The following BBS9 variants were observed in gnomAD, a reference collection of about 807,000 sequenced individuals.
The protein encoded by BBS9 is Bardet-Biedl syndrome 9.
BBS9 carries 89 observed loss-of-function variants against 117.7 expected under a neutral mutation model. That is an observed-to-expected ratio of 0.76 (90% CI 0.64 to 0.90). The LOEUF (loss-of-function observed/expected upper bound fraction) is 0.90, where lower values mean the gene tolerates loss of function less well. Ranked by LOEUF, BBS9 falls within the 40% of genes least tolerant of loss-of-function variation. The pLI is 0.00. For synonymous variants in BBS9, 379 were observed against 370.9 expected (o/e 1.02, Z -0.25); for missense variants, 982 against 1,042.2 (o/e 0.94, Z 0.80).
chr7:33,180,544 A>T (rs1198235954), intron 5 of BBS9, among the ~76,000 whole-genome samples: 1 of 151,992 alleles, frequency 6.6e-6, no homozygotes, highest in Non-Finnish European at 1.5e-5. Flanking sequence ...TTCAGTAGAG[A>T]TGGGGTTTCA....
intron 6 of BBS9, among the ~76,000 whole-genome samples, chr7:33,262,671 C>A (rs146568657): frequency 1.0e-3 from 152 of 152,274 alleles, no homozygotes; most frequent in African/African-American, 3.5e-3. Flanking sequence ...TTACTTCATG[C>A]GCCCCATGAC....
intron 16 of BBS9, among the ~76,000 whole-genome samples, chr7:33,363,942 T>TGCCAAAG (rs1262139763): frequency 2.0e-5 from 2 of 99,632 alleles, no homozygotes; most frequent in Admixed American, 9.0e-5. Context: ...TTATTTTTTT[T>TGCCAAAG]TTTATTTTTT....
intron 9 of BBS9, among the ~76,000 whole-genome samples, chr7:33,329,531 T>G: frequency 6.6e-6 from 1 of 152,312 alleles, no homozygotes; most frequent in Non-Finnish European, 1.5e-5. Context: ...TAAGATATGA[T>G]TTTTAATGGT....
At chr7:33,403,612 A>G (rs970151795) in intron 19 of BBS9, among the ~76,000 whole-genome samples, 3 of 151,230 alleles carry the variant, frequency 2.0e-5, no homozygotes, top group South Asian at 2.1e-4. Flanking sequence ...GATGATTTCC[A>G]ATTTCATCCA....
At chr7:33,313,106 A>T (rs565732162) in intron 9 of BBS9, among the ~76,000 whole-genome samples, 70 of 151,244 alleles carry the variant, frequency 4.6e-4, no homozygotes, top group African/African-American at 1.6e-3. Flanking sequence ...CTTTGTGGAT[A>T]ACACTTTGTT....
chr7:33,567,550 A>T (rs1313718182), intron 21 of BBS9, among the ~76,000 whole-genome samples: 3 of 152,090 alleles, frequency 2.0e-5, no homozygotes, highest in Non-Finnish European at 4.4e-5. Context: ...TTCTCTGCTT[A>T]GCCTGAGAAG....
chr7:33,604,845 T>C lies in BBS9; in HGVS notation c.2522-20T>C. The C allele has an allele frequency of 6.5e-7, 1 of 1,543,468 alleles. No homozygotes were observed. The highest frequency in any genetic ancestry group is 1.4e-5 in the African/African-American group (1 of 73,374). On this transcript the variant is annotated intron_variant, in intron 21 of 22. Coordinates refer to ENST00000242067, the MANE Select transcript of BBS9 (RefSeq NM_198428.3). ...TTTTCTTACACATTGCTTAAAATAT[T>C]GTTTGTATTTTTCAACTAGGTGGTT...
At chr7:33,565,815 ATATATATATATACCGCTATATATACTGCT>A (rs1563370099) in intron 21 of BBS9, among the ~76,000 whole-genome samples, 9 of 60,170 alleles carry the variant, frequency 1.5e-4, no homozygotes, top group South Asian at 5.7e-4. Flanking sequence ...ATATATATAT[ATATATATATATACCGCTATATATACTGCT>A]TATATATATA....
chr7:33,315,301 C>T (rs140042887), intron 9 of BBS9, among the ~76,000 whole-genome samples: 1 of 152,160 alleles, frequency 6.6e-6, no homozygotes, highest in African/African-American at 2.4e-5. Flanking sequence ...CTAGTAGACT[C>T]ATCATTGCAG....
intron 1 of BBS9, among the ~76,000 whole-genome samples, chr7:33,130,745 A>C (rs893579939): frequency 3.3e-5 from 5 of 152,046 alleles, no homozygotes; most frequent in South Asian, 4.1e-4. Context: ...TAAAAAAAAA[A>C]CTAGAAAACC....
Position 33,273,869 on chromosome 7 carries a change from A to T in BBS9, c.929A>T (p.Asn310Ile), listed in dbSNP as rs1341125124. Reference sequence around the variant, plus strand: ...AATACTTTGATTGGAAATCATAATAACATGCTGCATATTTATCAAGATGTG... The same window carrying T: ...AATACTTTGATTGGAAATCATAATATCATGCTGCATATTTATCAAGATGTG... Reference protein sequence around the residue: ...TINTLIGNHNNMLHIYQDVTL... With the variant: ...TINTLIGNHNIMLHIYQDVTL... Residue 310 changes from asparagine (N) to isoleucine (I), a missense_variant, in exon 9 of 23, where the codon AAC becomes ATC. By Grantham distance (149) the Asn-to-Ile change is moderately radical (BLOSUM62 -3). Coordinates refer to ENST00000242067, the MANE Select transcript of BBS9 (RefSeq NM_198428.3). 6.2e-7 allele frequency: 1 copy of T among 1,610,126 alleles called. No homozygotes were observed. Among genetic ancestry groups the T allele is most frequent in the Non-Finnish European group, 8.5e-7 (1 of 1,176,686 alleles).
At chr7:33,515,188 T>A (rs6947867) in intron 20 of BBS9, among the ~76,000 whole-genome samples, 14,503 of 152,162 alleles carry the variant, frequency 0.095, 1,712 homozygotes, top group African/African-American at 0.27. Flanking sequence ...TATTTTTGTT[T>A]TTGAAAGAGC....
At chr7:33,409,132 ATTGCCGTGCAGATGGTCT>A (rs930076246) in intron 19 of BBS9, among the ~76,000 whole-genome samples, 4 of 151,842 alleles carry the variant, frequency 2.6e-5, no homozygotes, top group African/African-American at 4.8e-5. Context: ...GATAATTTCT[ATTGCCGTGCAGATGGTCT>A]TTAGTTTAAT....
chr7:33,146,248 A>G lies in BBS9; in HGVS notation c.-5A>G. 1 of 1,603,726 alleles carries G rather than the reference A, an allele frequency of 6.2e-7. No individual in the cohort carries two copies. The highest frequency in any genetic ancestry group is 8.5e-7 in the Non-Finnish European group (1 of 1,170,646). ...ATAAATGTTTTCTTTTTAGTGTGAA[A>G]GAAAATGTCTTTATTTAAAGCCCGT... On this transcript the variant is annotated 5_prime_UTR_variant, in exon 2 of 23. Coordinates refer to ENST00000242067, the MANE Select transcript of BBS9 (RefSeq NM_198428.3).
chr7:33,174,325 A>T (rs1029583779), intron 4 of BBS9, among the ~76,000 whole-genome samples: 1 of 152,160 alleles, frequency 6.6e-6, no homozygotes, highest in African/African-American at 2.4e-5. Context: ...TCTACTTTGG[A>T]TCCCACTTCT....
chr7:33,254,681 T>A (rs551187639), intron 5 of BBS9, among the ~76,000 whole-genome samples: 1 of 152,312 alleles, frequency 6.6e-6, no homozygotes, highest in Admixed American at 6.5e-5. Context: ...CCCTGACCCC[T>A]GGTAAGCACC....
intron 4 of BBS9, among the ~76,000 whole-genome samples, chr7:33,170,434 G>T (rs1279759310): frequency 6.8e-6 from 1 of 146,988 alleles, no homozygotes; most frequent in Non-Finnish European, 1.5e-5. Context: ...AATAAATTAG[G>T]TATTGATGGG....
At chr7:33,154,195 G>A (rs1007814026) in intron 3 of BBS9, among the ~76,000 whole-genome samples, 4 of 152,140 alleles carry the variant, frequency 2.6e-5, no homozygotes, top group Non-Finnish European at 5.9e-5. Context: ...TGATAGTCAT[G>A]TATATTTGCA....
Position 33,155,716 on chromosome 7 carries a change from T to C in BBS9, c.328+14T>C. The C allele has an allele frequency of 7.1e-7, 1 of 1,402,168 alleles. No homozygotes were observed. Among genetic ancestry groups the C allele is most frequent in the Non-Finnish European group, 1.0e-6 (1 of 993,372 alleles). 86.9% of individuals were successfully genotyped at this position (1,402,168 alleles called of 1,614,324 possible). ...ACTCTGTCTCAGGTAAGAAATATTT[T>C]TACCAATGTAGAATTTATATTACAA... On this transcript the variant is annotated intron_variant, in intron 4 of 22. Transcript: ENST00000242067.
Sources: gnomAD v4.1 joint callset for allele counts (sites outside exome capture counted in the v4.1 genomes callset) on GRCh38, gnomAD v4.1.1 for gene constraint, MANE v1.5 for transcripts, NCBI Gene and HGNC (gene_info 2026-07-23, HGNC 2026-07-21) for gene names.